Variants in PRUNE2 observed in about 807,000 individuals in gnomAD.
PRUNE2 encodes the protein prune homolog 2 with BCH domain.
A neutral mutation model predicts 252.0 loss-of-function variants in PRUNE2; 164 were observed. The ratio of observed to expected loss-of-function variants is 0.65; its 90% CI spans 0.57 to 0.74. PRUNE2 has a LOEUF of 0.74. Ranked by LOEUF, PRUNE2 falls within the 30% of genes least tolerant of loss-of-function variation. The pLI is 0.00. For synonymous variants in PRUNE2, 1,292 were observed against 1,350.2 expected (o/e 0.96, Z 0.94); for missense variants, 3,495 against 3,711.0 (o/e 0.94, Z 1.51).
At position 76,705,291 on chromosome 9, in the gene PRUNE2, T is replaced by C. The variant is rs762119831; in HGVS notation, c.6983A>G (p.His2328Arg). 2 of 1,613,948 alleles carry C rather than the reference T, an allele frequency of 1.2e-6. No individual in the cohort carries two copies. Among genetic ancestry groups the C allele is most frequent in the African/African-American group, 1.3e-5 (1 of 74,934 alleles). The stretch of plus-strand genomic sequence containing the variant: ...GTCCCCATCAACTGGCGTTTCCGGA[T>C]GGCCTTCGGATAATGTCAGTTTACT... The part of the protein sequence containing the change: ...DMSKLTLSEG[H>R]PETPVDGDLG... The change falls in exon 8 of 19, where the codon CAT becomes CGT. Residue 2328 changes from histidine (H) to arginine (R), a missense_variant. Coordinates refer to ENST00000376718, the MANE Select transcript of PRUNE2 (RefSeq NM_015225.3).
chr9:76,904,327 C>T (rs7867316), intron 1 of PRUNE2, among the ~76,000 whole-genome samples: 68,661 of 151,780 alleles, frequency 0.45, 16,106 homozygotes, highest in African/African-American at 0.56. Flanking sequence ...AATAGGGAAA[C>T]TTCCATTCCA....
chr9:76,804,785 A>G (rs767741134), intron 6 of PRUNE2, among the ~76,000 whole-genome samples: 2 of 152,192 alleles, frequency 1.3e-5, no homozygotes, highest in Middle Eastern at 3.2e-3. Flanking sequence ...CTTGACCAAA[A>G]GGCCCTCTAG....
At chr9:76,650,994 A>T (rs918594650) in intron 11 of PRUNE2, among the ~76,000 whole-genome samples, 2 of 152,170 alleles carry the variant, frequency 1.3e-5, no homozygotes, top group Non-Finnish European at 1.5e-5. Flanking sequence ...GGTAGGGGCA[A>T]CTGGGATGGA....
Position 76,708,859 on chromosome 9 carries a change from C to A in PRUNE2, c.3415G>T (p.Asp1139Tyr). 6.2e-7 allele frequency: 1 copy of A among 1,613,960 alleles called. No individual in the cohort carries two copies. The highest frequency in any genetic ancestry group is 8.5e-7 in the Non-Finnish European group (1 of 1,179,884). ...ISDMDNDLDW[D>Y]DCSGGAAIPS... ...ATTGCCGCACCCCCACTGCAGTCAT[C>A]CCAGTCCAAATCATTGTCCATATCT... Residue 1139 changes from aspartate to tyrosine, a missense_variant, in exon 8 of 19, where the codon GAT becomes TAT. Asp to Tyr is a radical substitution (Grantham distance 160). Transcript: ENST00000376718.
chr9:76,903,808 G>A (rs1429952984), intron 1 of PRUNE2, among the ~76,000 whole-genome samples: 3 of 151,996 alleles, frequency 2.0e-5, no homozygotes, highest in East Asian at 1.9e-4. Flanking sequence ...GGCTGGTTTC[G>A]AACTCCTGAC....
Position 76,703,717 on chromosome 9 carries a change from A to G in PRUNE2, c.7896T>C (p.Ser2632=). 1 of 1,611,028 alleles carries G rather than the reference A, an allele frequency of 6.2e-7. No homozygotes were observed. The highest frequency in any genetic ancestry group is 1.1e-5 in the South Asian group (1 of 90,926). The change falls in exon 9 of 19, where the codon AGT becomes AGC. Residue 2632 remains serine, a synonymous_variant. Transcript: ENST00000376718. Reference sequence around the variant, plus strand: ...CCTCACTATGGCCCAAGAACATCCAACTCTGGTCTTGTGCAGGGCTTTCAA... The same window carrying G: ...CCTCACTATGGCCCAAGAACATCCAGCTCTGGTCTTGTGCAGGGCTTTCAA... The part of the protein sequence containing the change: ...SSFESPAQDQ[S]WMFLGHSEVG...
intron 9 of PRUNE2, among the ~76,000 whole-genome samples, chr9:76,695,029 T>TA (rs1010310423): frequency 6.6e-6 from 1 of 152,142 alleles, no homozygotes; most frequent in African/African-American, 2.4e-5. Flanking sequence ...TCCTCTCTAA[T>TA]AAAAAAAGTT....
At chr9:76,718,925 C>T (rs1003504031) in intron 6 of PRUNE2, among the ~76,000 whole-genome samples, 6 of 152,126 alleles carry the variant, frequency 3.9e-5, no homozygotes, top group Admixed American at 3.3e-4. Flanking sequence ...TCATCTCTCA[C>T]GTAATTCACC....
In PRUNE2 at chr9:76,710,698, C is replaced by T. The variant is rs1372382893; in HGVS notation, c.1576G>A (p.Asp526Asn). ...SPADDFFPNS[D>N]LSEGQLPAGP... ...GCGGGGAGCTGTCCTTCTGACAGGT[C>T]ACTGTTGGGGAAGAAGTCATCTGCT... Residue 526 changes from aspartate (D) to asparagine (N), a missense_variant, in exon 8 of 19, where the codon GAC becomes AAC. By Grantham distance (23) the Asp-to-Asn change is conservative. Transcript: ENST00000376718. 14 of 1,612,588 alleles carry T rather than the reference C, an allele frequency of 8.7e-6. No homozygotes were observed. The highest frequency in any genetic ancestry group is 1.6e-4 in the Middle Eastern group (1 of 6,078).
intron 6 of PRUNE2, among the ~76,000 whole-genome samples, chr9:76,731,408 G>T (rs2135422473): frequency 6.7e-6 from 1 of 148,954 alleles, no homozygotes; most frequent in Non-Finnish European, 1.5e-5. Context: ...CTGCAGTCTT[G>T]ACCTCCCAGG....
At chr9:76,676,065 T>TAAA (rs71354669) in intron 9 of PRUNE2, among the ~76,000 whole-genome samples, 2 of 144,464 alleles carry the variant, frequency 1.4e-5, no homozygotes, top group African/African-American at 2.6e-5. Context: ...TAAAGTATAA[T>TAAA]AAAAAAAAAA....
chr9:76,665,095 T>C (rs542703306), intron 9 of PRUNE2, among the ~76,000 whole-genome samples: 1 of 152,216 alleles, frequency 6.6e-6, no homozygotes. Flanking sequence ...TCCTCCAAAT[T>C]ATAACTAATA....
chr9:76,790,809 C>T (rs919227522), intron 6 of PRUNE2, among the ~76,000 whole-genome samples: 4 of 152,240 alleles, frequency 2.6e-5, no homozygotes, highest in African/African-American at 9.6e-5. Flanking sequence ...GAATTAATTC[C>T]ATTCAGTTTA....
rs1379248595 is a variant in PRUNE2, at chr9:76,831,132, T to C, written c.509-4400A>G. Among the ~76,000 whole-genome samples, 11 of 152,082 alleles carry C rather than the reference T, an allele frequency of 7.2e-5. No homozygotes were observed. In the East Asian group the frequency reaches 1.9e-3, roughly 27 times the overall value. On this transcript the variant is annotated intron_variant, in intron 4 of 18. Transcript: ENST00000376718. Reference sequence around the variant, plus strand: ...TTTTAGTAGAGATGGGGTTTCACCATGTTAGCCAGCATGGTCTCGATCTCC... The same window carrying C: ...TTTTAGTAGAGATGGGGTTTCACCACGTTAGCCAGCATGGTCTCGATCTCC...
chr9:76,786,958 G>C (rs117040993), intron 6 of PRUNE2: 1 of 152,136 alleles, frequency 6.6e-6, no homozygotes, highest in Non-Finnish European at 1.5e-5. Flanking sequence ...CTCATGGGTG[G>C]AGGGGACCAC....
At chr9:76,740,971 C>G (rs2049564658) in intron 6 of PRUNE2, among the ~76,000 whole-genome samples, 1 of 152,226 alleles carries the variant, frequency 6.6e-6, no homozygotes, top group Non-Finnish European at 1.5e-5. Flanking sequence ...ATCAAATGAA[C>G]TCTTTCCTAG....
chr9:76,761,973 T>G (rs980429434), intron 6 of PRUNE2, among the ~76,000 whole-genome samples: 7 of 152,232 alleles, frequency 4.6e-5, no homozygotes, highest in African/African-American at 1.7e-4. Flanking sequence ...GTCAAACAAC[T>G]GGGTCCGTCA....
At chr9:76,829,426 C>T (rs2058540564) in intron 4 of PRUNE2, among the ~76,000 whole-genome samples, 1 of 152,090 alleles carries the variant, frequency 6.6e-6, no homozygotes, top group Non-Finnish European at 1.5e-5. Flanking sequence ...GAAACAGGAC[C>T]CCTAGAGAGT....
At chr9:76,837,447 T>TAATAATAATAATAATAAG (rs2059076375) in intron 4 of PRUNE2, among the ~76,000 whole-genome samples, 1 of 66,828 alleles carries the variant, frequency 1.5e-5, no homozygotes, top group Admixed American at 2.0e-4. Context: ...TCTCAAATAA[T>TAATAATAATAATAATAAG]AATAATAATA....
Sources: gnomAD v4.1 joint callset for allele counts (sites outside exome capture counted in the v4.1 genomes callset) on GRCh38, gnomAD v4.1.1 for gene constraint, MANE v1.5 for transcripts, NCBI Gene and HGNC (gene_info 2026-07-23, HGNC 2026-07-21) for gene names.